The following SYT9 variants were observed in gnomAD, a reference collection of about 807,000 sequenced individuals.
SYT9 encodes synaptotagmin-9.
Under a neutral mutation model 48.4 loss-of-function variants are expected in SYT9, and 22 were observed. The observed-to-expected ratio is 0.45, with a 90% confidence interval of 0.32 to 0.65. SYT9 has a LOEUF of 0.65. Among genes scored for constraint, SYT9 ranks in the 30% least tolerant of loss-of-function variants. SYT9 has a pLI of 0.03. For missense variants in SYT9, 577 were observed against 622.0 expected (o/e 0.93, Z 0.77); for synonymous variants, 265 against 245.0 (o/e 1.08, Z -0.76).
At chr11:7,361,096 A>G (rs1850127424) in intron 3 of SYT9, among the ~76,000 whole-genome samples, 2 of 152,076 alleles carry the variant, frequency 1.3e-5, no homozygotes, top group Admixed American at 1.3e-4. Context: ...CTTTTTATCA[A>G]GGAAATAACT....
rs146749306 is a variant in SYT9 at position 7,244,969 on chromosome 11, T to C, written c.49+6053T>C. ...GCTGGGCTCAGCTCAGGAACTCTATTTCAGAAAGGATTTTGACCAATTGCA... is the reference window on the plus strand; with the variant it reads ...GCTGGGCTCAGCTCAGGAACTCTATCTCAGAAAGGATTTTGACCAATTGCA... On this transcript the variant is annotated intron_variant and NMD_transcript_variant, in intron 1 of 8. Transcript: ENST00000524820. Among the ~76,000 whole-genome samples, 468 of 152,320 alleles carry C rather than the reference T, an allele frequency of 3.1e-3. 2 individuals are homozygous for C. Among genetic ancestry groups the C allele is most frequent in the African/African-American group, 9.9e-3 (411 of 41,574 alleles).
chr11:7,274,609 T>G (rs539664989), intron 1 of SYT9, among the ~76,000 whole-genome samples: 14 of 152,202 alleles, frequency 9.2e-5, no homozygotes, highest in Non-Finnish European at 1.5e-4. Context: ...TGAGCCACTG[T>G]GCCTGGCCAA....
intron 1 of SYT9, among the ~76,000 whole-genome samples, chr11:7,284,915 C>T (rs1848568437): frequency 6.6e-6 from 1 of 152,030 alleles, no homozygotes; most frequent in South Asian, 2.1e-4. Context: ...ATGGGTGAAC[C>T]TTTTGCTCCC....
At chr11:7,257,535 A>G (rs545763326) in intron 1 of SYT9, among the ~76,000 whole-genome samples, 7 of 152,286 alleles carry the variant, frequency 4.6e-5, no homozygotes, top group Admixed American at 1.3e-4. Context: ...TATAGTTTCT[A>G]TGAAAAAAAT....
At chr11:7,279,367 A>G (rs888064101) in intron 1 of SYT9, among the ~76,000 whole-genome samples, 7 of 152,048 alleles carry the variant, frequency 4.6e-5, no homozygotes, top group Middle Eastern at 3.2e-3. Context: ...TTCCGTTGAG[A>G]ACAAAAAAAC....
chr11:7,320,026 A>G (rs532638680), intron 3 of SYT9, among the ~76,000 whole-genome samples: 1 of 152,204 alleles, frequency 6.6e-6, no homozygotes, highest in East Asian at 1.9e-4. Flanking sequence ...TATGGCTCAA[A>G]GCTTATTTTT....
chr11:7,377,325 T>C (rs765149281), intron 3 of SYT9, among the ~76,000 whole-genome samples: 27 of 152,038 alleles, frequency 1.8e-4, no homozygotes, highest in Non-Finnish European at 3.4e-4. Context: ...GAGAGAATTA[T>C]TATTGTCTCT....
intron 3 of SYT9, among the ~76,000 whole-genome samples, chr11:7,357,603 G>A (rs568261938): frequency 2.0e-5 from 3 of 152,062 alleles, no homozygotes; most frequent in African/African-American, 7.2e-5. Flanking sequence ...TGTTCCATCA[G>A]TTTATATTCC....
At chr11:7,242,341 T>C (rs896165385) in intron 1 of SYT9, among the ~76,000 whole-genome samples, 2 of 152,156 alleles carry the variant, frequency 1.3e-5, no homozygotes, top group Non-Finnish European at 2.9e-5. Flanking sequence ...CTGGGGTGGT[T>C]AAGAGCAGGG....
At chr11:7,326,491 G>T (rs1849437987) in intron 3 of SYT9, among the ~76,000 whole-genome samples, 1 of 148,968 alleles carries the variant, frequency 6.7e-6, no homozygotes, top group Admixed American at 6.7e-5. Context: ...GTGCCTATTT[G>T]ATTCTTCTCT....
At chr11:7,280,072 T>A (rs1231300683) in intron 1 of SYT9, among the ~76,000 whole-genome samples, 2 of 152,264 alleles carry the variant, frequency 1.3e-5, no homozygotes, top group Non-Finnish European at 2.9e-5. Context: ...TATCAGTACA[T>A]CTGTAAACAA....
intron 1 of SYT9, among the ~76,000 whole-genome samples, chr11:7,242,578 T>C (rs754476989): frequency 2.0e-5 from 3 of 152,218 alleles, no homozygotes; most frequent in Non-Finnish European, 4.4e-5. Flanking sequence ...AATTTTAATA[T>C]AACACTGATA....
intron 3 of SYT9, among the ~76,000 whole-genome samples, chr11:7,379,917 T>A (rs1273742280): frequency 6.6e-6 from 1 of 152,166 alleles, no homozygotes; most frequent in East Asian, 1.9e-4. Context: ...AGCTACCATA[T>A]GATCCAGCAG....
intron 3 of SYT9, among the ~76,000 whole-genome samples, chr11:7,370,120 G>A (rs1850335754): frequency 6.6e-6 from 1 of 152,016 alleles, no homozygotes. Context: ...TCATAGCTTA[G>A]CTCCCACATA....
At chr11:7,251,822 A>C, upstream of SYT9, 3 of 177,736 alleles carry the variant, frequency 1.7e-5, no homozygotes, top group East Asian at 1.4e-4. Context: ...GGCCGCCGCT[A>C]TCCTACCCTG....
At chr11:7,391,673 G>C (rs1336972368) in intron 3 of SYT9, among the ~76,000 whole-genome samples, 3 of 139,568 alleles carry the variant, frequency 2.1e-5, no homozygotes, top group Non-Finnish European at 4.6e-5. Flanking sequence ...GGCCAAGGTA[G>C]TCAGGTGACT....
At chr11:7,312,732 A>G (rs977755200) in intron 2 of SYT9, among the ~76,000 whole-genome samples, 2 of 152,226 alleles carry the variant, frequency 1.3e-5, no homozygotes, top group Admixed American at 1.3e-4. Flanking sequence ...TTTCAGAAAT[A>G]AAACCTGTCC....
chr11:7,302,942 G>A, intron 1 of SYT9, 97 bp from the exon 2 acceptor site: 2 of 1,159,550 alleles, frequency 1.7e-6, no homozygotes, highest in South Asian at 1.4e-5. Flanking sequence ...CGGCTCCCAA[G>A]GGATGAGTGG....
intron 3 of SYT9, among the ~76,000 whole-genome samples, chr11:7,399,333 A>G (rs1211667415): frequency 6.6e-6 from 1 of 152,158 alleles, no homozygotes; most frequent in South Asian, 2.1e-4. Flanking sequence ...CAAACTAAAA[A>G]TGGAGATCTC....
Sources: gnomAD v4.1 joint callset for allele counts (sites outside exome capture counted in the v4.1 genomes callset) on GRCh38, gnomAD v4.1.1 for gene constraint, MANE v1.5 for transcripts, NCBI Gene and HGNC (gene_info 2026-07-23, HGNC 2026-07-21) for gene names.